RARB: variants seen among roughly 807,000 people sequenced by gnomAD.
The protein encoded by RARB is retinoic acid receptor beta.
RARB carries 17 observed loss-of-function variants against 51.9 expected under a neutral mutation model. That is an observed-to-expected ratio of 0.33 (90% CI 0.22 to 0.49). The LOEUF is 0.49. Ranked by LOEUF, RARB falls within the 20% of genes least tolerant of loss-of-function variation. The pLI, the probability that RARB is intolerant of heterozygous loss-of-function variation, is 0.99. For missense variants in RARB, 369 were observed against 550.8 expected, an observed-to-expected ratio of 0.67 and a Z score of 3.30; for synonymous variants, 215 against 195.4, an observed-to-expected ratio of 1.10 and a Z score of -0.84.
At chr3:25,102,804 C>A (rs1195178221) in intron 3 of RARB, among the ~76,000 whole-genome samples, 1 of 152,170 alleles carries the variant, frequency 6.6e-6, no homozygotes. Flanking sequence ...GTAATCCCAG[C>A]ACTTTGGGAG....
chr3:25,473,174 A>G (rs779008646), intron 2 of RARB, among the ~76,000 whole-genome samples: 3 of 152,106 alleles, frequency 2.0e-5, no homozygotes, highest in African/African-American at 4.8e-5. Context: ...GCCTTTTAGG[A>G]ACTATGTCTT....
At chr3:25,148,473 G>T (rs1700229923) in intron 4 of RARB, among the ~76,000 whole-genome samples, 1 of 152,058 alleles carries the variant, frequency 6.6e-6, no homozygotes, top group Admixed American at 6.6e-5. Context: ...CTCTTTTAAG[G>T]GTTTTTATAG....
intron 5 of RARB, among the ~76,000 whole-genome samples, chr3:25,323,611 C>A (rs556057334): frequency 6.6e-6 from 1 of 152,248 alleles, no homozygotes; most frequent in South Asian, 2.1e-4. Context: ...TATATTTCAT[C>A]CATTTTGATA....
chr3:24,859,349 C>G (rs1018431408), intron 2 of RARB, among the ~76,000 whole-genome samples: 13 of 152,102 alleles, frequency 8.5e-5, no homozygotes, highest in African/African-American at 2.9e-4. Flanking sequence ...GGTGGAACTT[C>G]GTTTTACAGC....
At chr3:25,410,989 A>G (rs1308475496) in intron 5 of RARB, among the ~76,000 whole-genome samples, 1 of 152,234 alleles carries the variant, frequency 6.6e-6, no homozygotes, top group African/African-American at 2.4e-5. Context: ...TTTCAGAGGA[A>G]TTAGAGCTAT....
chr3:25,391,270 C>T (rs925936771), intron 5 of RARB, among the ~76,000 whole-genome samples: 2 of 151,790 alleles, frequency 1.3e-5, no homozygotes, highest in Non-Finnish European at 2.9e-5. Context: ...GTATATATAC[C>T]ATATTTTCTT....
At chr3:24,890,052 T>A (rs1217020871) in intron 2 of RARB, among the ~76,000 whole-genome samples, 1 of 152,196 alleles carries the variant, frequency 6.6e-6, no homozygotes, top group Non-Finnish European at 1.5e-5. Context: ...CAGCTCTTCA[T>A]TACCAGATAA....
At chr3:25,275,165 T>A (rs1238595147) in intron 5 of RARB, among the ~76,000 whole-genome samples, 1 of 152,126 alleles carries the variant, frequency 6.6e-6, no homozygotes, top group East Asian at 1.9e-4. Context: ...CGTGAGCACC[T>A]CTTAACCCAA....
intron 5 of RARB, among the ~76,000 whole-genome samples, chr3:25,400,176 C>T (rs916708344): frequency 6.6e-6 from 1 of 152,144 alleles, no homozygotes. Flanking sequence ...ACAGTCCCAG[C>T]CATTCAATTC....
At chr3:25,223,202 T>C (rs9828948) in intron 5 of RARB, among the ~76,000 whole-genome samples, 2,922 of 152,306 alleles carry the variant, frequency 0.019, 89 homozygotes, top group African/African-American at 0.067. Flanking sequence ...CTCAGTTCCT[T>C]TCTGTCACTC....
chr3:25,252,529 G>T (rs1230566120), intron 5 of RARB, among the ~76,000 whole-genome samples: 2 of 152,112 alleles, frequency 1.3e-5, no homozygotes, highest in African/African-American at 2.4e-5. Context: ...TTTCAGTAAT[G>T]TTCTGTAGTT....
intron 5 of RARB, among the ~76,000 whole-genome samples, chr3:25,402,170 T>C (rs1559386081): frequency 2.0e-5 from 3 of 152,302 alleles, no homozygotes; most frequent in East Asian, 1.9e-4. Flanking sequence ...TTTCCAAAAT[T>C]AGTGGGAGAT....
intron 5 of RARB, among the ~76,000 whole-genome samples, chr3:25,364,211 G>A (rs1575344519): frequency 6.6e-6 from 1 of 151,822 alleles, no homozygotes; most frequent in African/African-American, 2.4e-5. Flanking sequence ...TGCTTGTTTG[G>A]TCCACTGCTA....
At chr3:24,841,473 G>A (rs1349827039) in intron 1 of RARB, among the ~76,000 whole-genome samples, 1 of 152,202 alleles carries the variant, frequency 6.6e-6, no homozygotes, top group East Asian at 1.9e-4. Context: ...GTGTGTTGCA[G>A]TTTTGAAATC....
intron 4 of RARB, among the ~76,000 whole-genome samples, chr3:25,157,394 TTTTTTGTTGTTG>T (rs1427658457): frequency 7.3e-6 from 1 of 137,582 alleles, no homozygotes; most frequent in African/African-American, 2.8e-5. Flanking sequence ...ATATATGGTT[TTTTTTGTTGTTG>T]TTTTTGTTTT....
chr3:25,281,789 T>A (rs1010897862), intron 5 of RARB, among the ~76,000 whole-genome samples: 1 of 152,200 alleles, frequency 6.6e-6, no homozygotes, highest in African/African-American at 2.4e-5. Flanking sequence ...ATACTAAATG[T>A]ATTACTTCAA....
chr3:25,343,714 A>C (rs1339236649), intron 5 of RARB, among the ~76,000 whole-genome samples: 2 of 152,186 alleles, frequency 1.3e-5, no homozygotes, highest in Non-Finnish European at 2.9e-5. Flanking sequence ...GTTACTCTTC[A>C]AGTCCGTATT....
intron 5 of RARB, among the ~76,000 whole-genome samples, chr3:25,404,127 G>C (rs1256678079): frequency 6.6e-6 from 1 of 152,168 alleles, no homozygotes. Flanking sequence ...GGAAAGCAGG[G>C]AGGAGTGATA....
chr3:25,384,432 G>C (rs912359332), intron 5 of RARB, among the ~76,000 whole-genome samples: 1 of 152,150 alleles, frequency 6.6e-6, no homozygotes, highest in Non-Finnish European at 1.5e-5. Flanking sequence ...TGGGCAAAAG[G>C]CTTGTGTTTA....
Sources: gnomAD v4.1 joint callset for allele counts (sites outside exome capture counted in the v4.1 genomes callset) on GRCh38, gnomAD v4.1.1 for gene constraint, MANE v1.5 for transcripts, NCBI Gene and HGNC (gene_info 2026-07-23, HGNC 2026-07-21) for gene names.